Variants in HOATZ observed in about 807,000 individuals in gnomAD.
The protein encoded by HOATZ is HOATZ cilia and flagella associated protein, also known as cilia- and flagella-associated protein HOATZ.
HOATZ carries 26 observed loss-of-function variants against 24.9 expected under a neutral mutation model. The observed-to-expected ratio is 1.04, with a 90% CI of 0.76 to 1.45. The LOEUF (loss-of-function observed/expected upper bound fraction) is 1.45, where lower values mean the gene tolerates loss of function less well. Ranked by LOEUF, HOATZ falls within the 40% of genes most tolerant of loss-of-function variation. HOATZ has a pLI of 0.00. For synonymous variants in HOATZ, 83 were observed against 76.6 expected, an observed-to-expected ratio of 1.08 and a Z score of -0.43; for missense variants, 226 against 201.5, an observed-to-expected ratio of 1.12 and a Z score of -0.74.
chr11:111,515,242 T>C, intron 1 of HOATZ: 1 of 600,910 alleles, frequency 1.7e-6, no homozygotes, highest in Non-Finnish European at 2.9e-6. Context: ...AATTATGGCA[T>C]CTATTTGGTA....
At chr11:111,534,388 G>T (rs1296859097) in intron 4 of HOATZ, 24 bp from the exon 5 acceptor site, 20 of 1,581,810 alleles carry the variant, frequency 1.3e-5, no homozygotes, top group Middle Eastern at 1.7e-4. Flanking sequence ...TTACCTTTTT[G>T]ATTTTTATTT....
intron 3 of HOATZ, among the ~76,000 whole-genome samples, chr11:111,533,225 C>A (rs1039593534): frequency 2.6e-5 from 4 of 152,194 alleles, no homozygotes; most frequent in African/African-American, 9.6e-5. Context: ...ATAGCTTGAA[C>A]TTTGTTGCTA....
At chr11:111,521,381 A>G (rs1867267409) in intron 3 of HOATZ, among the ~76,000 whole-genome samples, 1 of 152,222 alleles carries the variant, frequency 6.6e-6, no homozygotes, top group Admixed American at 6.5e-5. Flanking sequence ...AGTCAACTTC[A>G]GAGAACCAAA....
intron 2 of HOATZ, 43 bp downstream of exon 2, chr11:111,515,595 G>A (rs755614071): frequency 1.3e-6 from 2 of 1,517,472 alleles, no homozygotes; most frequent in Non-Finnish European, 1.8e-6. Context: ...TGACTCCTAG[G>A]TTCATCAGAA....
intron 3 of HOATZ, among the ~76,000 whole-genome samples, chr11:111,521,776 G>A (rs2135775658): frequency 6.6e-6 from 1 of 152,298 alleles, no homozygotes; most frequent in East Asian, 1.9e-4. Context: ...ATATACATAT[G>A]TTTTATGCTT....
intron 3 of HOATZ, among the ~76,000 whole-genome samples, chr11:111,530,251 AG>A (rs1221131894): frequency 3.3e-5 from 5 of 152,340 alleles, no homozygotes; most frequent in African/African-American, 1.2e-4. Context: ...CTTACATGTC[AG>A]TGATTACTGC....
At chr11:111,530,976 T>C (rs1047176709) in intron 3 of HOATZ, among the ~76,000 whole-genome samples, 4 of 152,198 alleles carry the variant, frequency 2.6e-5, no homozygotes, top group African/African-American at 9.6e-5. Flanking sequence ...TGATATGTGA[T>C]ATTTAAAGGC....
chr11:111,524,996 G>C (rs761313091), intron 3 of HOATZ: 3 of 381,982 alleles, frequency 7.9e-6, no homozygotes, highest in Non-Finnish European at 1.5e-5. Flanking sequence ...AGCCTCCAAA[G>C]TTTCTGGGAC....
At chr11:111,515,454 C>G (rs1867177621) in intron 1 of HOATZ, 57 bp from the exon 2 acceptor site, 1 of 1,419,346 alleles carries the variant, frequency 7.0e-7, no homozygotes, top group Admixed American at 1.7e-5. Flanking sequence ...AATTCAAACG[C>G]CTTTAATGTT....
rs538103063 is a variant in HOATZ at position 111,518,082 on chromosome 11, C to T, written c.339+1972C>T. 9.2e-4 allele frequency among the ~76,000 whole-genome samples: 140 copies of T among 152,306 alleles called. 1 individual carries two copies. The highest frequency in any genetic ancestry group is 3.3e-3 in the African/African-American group (136 of 41,560). Reference sequence around the variant, plus strand: ...CACTATTTACACCTTCACATATATGCTTGCAAAGTGATGAACAGGAAAAGT... The same window carrying T: ...CACTATTTACACCTTCACATATATGTTTGCAAAGTGATGAACAGGAAAAGT... On this transcript the variant is annotated intron_variant, in intron 3 of 5. Coordinates refer to ENST00000375618, the MANE Select transcript of HOATZ (RefSeq NM_001100388.2).
rs1198354215 is a variant in HOATZ, at chr11:111,534,452, A to T, written c.440A>T (p.Glu147Val). The change falls in exon 5 of 6, where the codon GAA becomes GTA. Residue 147 changes from glutamate to valine, a missense_variant. Physicochemically the swap from Glu to Val is moderately radical, Grantham distance 121 (BLOSUM62 -2). Coordinates refer to ENST00000375618, the MANE Select transcript of HOATZ (RefSeq NM_001100388.2). Reference sequence around the variant, plus strand: ...CTTCCGTATAAACCAAAAGCCAAAGAACACAAAGCAAAGTAAGTTTACCTA... The same window carrying T: ...CTTCCGTATAAACCAAAAGCCAAAGTACACAAAGCAAAGTAAGTTTACCTA... ...ISLPYKPKAK[E>V]HKAKKVVSES... 1 of 1,610,428 alleles carries T rather than the reference A, an allele frequency of 6.2e-7. No homozygotes were observed. The highest frequency in any genetic ancestry group is 1.7e-5 in the Admixed American group (1 of 60,024).
At chr11:111,518,488 T>C (rs1441086044) in intron 3 of HOATZ, among the ~76,000 whole-genome samples, 1 of 152,188 alleles carries the variant, frequency 6.6e-6, no homozygotes, top group Non-Finnish European at 1.5e-5. Context: ...TCAACTCATA[T>C]ACTCCTTAAA....
At chr11:111,521,772 A>G (rs542414356) in intron 3 of HOATZ, among the ~76,000 whole-genome samples, 4 of 152,234 alleles carry the variant, frequency 2.6e-5, no homozygotes, top group Non-Finnish European at 5.9e-5. Flanking sequence ...ATTAATATAC[A>G]TATGTTTTAT....
chr11:111,531,861 G>C (rs1867396837), intron 3 of HOATZ, among the ~76,000 whole-genome samples: 1 of 152,166 alleles, frequency 6.6e-6, no homozygotes, highest in South Asian at 2.1e-4. Flanking sequence ...TGTGTGTCTT[G>C]ATGAATCATG....
intron 3 of HOATZ, among the ~76,000 whole-genome samples, chr11:111,520,837 G>A (rs1022181657): frequency 2.6e-5 from 4 of 152,158 alleles, no homozygotes; most frequent in South Asian, 2.1e-4. Flanking sequence ...CTTAGTAGCC[G>A]AGAGAGAGAT....
intron 5 of HOATZ, 167 bp from the exon 6 acceptor site, chr11:111,536,603 A>G: frequency 1.7e-6 from 1 of 584,516 alleles, no homozygotes; most frequent in Non-Finnish European, 3.1e-6. Context: ...CAATATCATA[A>G]CCACTTCTCT....
intron 3 of HOATZ, among the ~76,000 whole-genome samples, chr11:111,517,994 G>A (rs559362988): frequency 6.6e-6 from 1 of 151,992 alleles, no homozygotes; most frequent in South Asian, 2.1e-4. Flanking sequence ...CACTCTCCCC[G>A]CTTTCTCCTA....
At chr11:111,531,902 G>A (rs955632183) in intron 3 of HOATZ, among the ~76,000 whole-genome samples, 1 of 152,134 alleles carries the variant, frequency 6.6e-6, no homozygotes, top group Non-Finnish European at 1.5e-5. Context: ...TAGCAGATGA[G>A]CCATCAGGAC....
chr11:111,527,143 C>T (rs1475243651), intron 3 of HOATZ, among the ~76,000 whole-genome samples: 2 of 152,154 alleles, frequency 1.3e-5, no homozygotes, highest in Admixed American at 6.5e-5. Flanking sequence ...TGTACTTCTG[C>T]TCTGCATGCA....
Sources: gnomAD v4.1 joint callset for allele counts (sites outside exome capture counted in the v4.1 genomes callset) on GRCh38, gnomAD v4.1.1 for gene constraint, MANE v1.5 for transcripts, NCBI Gene and HGNC (gene_info 2026-07-23, HGNC 2026-07-21) for gene names.